Variants in SEMA4A observed in about 807,000 individuals in gnomAD.
SEMA4A encodes semaphorin 4A.
SEMA4A carries 52 observed loss-of-function variants against 72.5 expected under a neutral mutation model. The observed-to-expected ratio is 0.72, with a 90% CI of 0.57 to 0.90. SEMA4A has a LOEUF of 0.90. SEMA4A is among the 40% of genes least tolerant of loss of function. The pLI, the probability that SEMA4A is intolerant of heterozygous loss-of-function variation, is 0.00. For synonymous variants in SEMA4A, 369 were observed against 393.1 expected, an observed-to-expected ratio of 0.94 and a Z score of 0.73; for missense variants, 926 against 959.7, an observed-to-expected ratio of 0.96 and a Z score of 0.46.
intron 10 of SEMA4A, among the ~76,000 whole-genome samples, chr1:156,168,980 T>C (rs966600620): frequency 2.0e-5 from 3 of 152,124 alleles, no homozygotes; most frequent in African/African-American, 7.2e-5. Context: ...CAGGATGGTG[T>C]CCCCATCAAC....
intron 11 of SEMA4A, among the ~76,000 whole-genome samples, chr1:156,174,505 G>A (rs138322420): frequency 4.1e-4 from 62 of 152,288 alleles, no homozygotes; most frequent in African/African-American, 1.3e-3. Flanking sequence ...TGGATGTGAG[G>A]GAGGCAGGTG....
intron 14 of SEMA4A, among the ~76,000 whole-genome samples, chr1:156,175,917 G>C (rs1655281314): frequency 6.6e-6 from 1 of 152,146 alleles, no homozygotes; most frequent in African/African-American, 2.4e-5. Context: ...GCTTAGTTTG[G>C]GGTCCAGACT....
chr1:156,166,854 A>G (rs145247267), intron 10 of SEMA4A, among the ~76,000 whole-genome samples: 2,364 of 152,028 alleles, frequency 0.016, 66 homozygotes, highest in African/African-American at 0.055. Flanking sequence ...TCTTGAACCC[A>G]GGAGGTGGAG....
chr1:156,172,810 C>G lies in SEMA4A; in HGVS notation c.1135-16C>G, dbSNP rs1381734730. ...GAAGGGGCAAACCAACCTGATCTGC[C>G]TCCCTCCTCCTTTAGTGCTCAGTGG... On this transcript the variant is annotated splice_polypyrimidine_tract_variant and intron_variant, in intron 10 of 14. Transcript: ENST00000368285. 5.6e-6 allele frequency: 9 copies of G among 1,613,746 alleles called. No individual in the cohort carries two copies. The highest frequency in any genetic ancestry group is 7.6e-6 in the Non-Finnish European group (9 of 1,179,788).
chr1:156,170,753 C>CAA (rs1402562759), intron 10 of SEMA4A, among the ~76,000 whole-genome samples: 7 of 71,830 alleles, frequency 9.7e-5, no homozygotes, highest in African/African-American at 1.1e-4. Context: ...GACTCCGTCT[C>CAA]AAAAAAAAAA....
Position 156,174,870 on chromosome 1 carries a change from A to T in SEMA4A, c.1364A>T (p.His455Leu). 6.2e-7 allele frequency: 1 copy of T among 1,614,184 alleles called. No homozygotes were observed. The highest frequency in any genetic ancestry group is 8.5e-7 in the Non-Finnish European group (1 of 1,180,006). ...KAVVSGDSSA[H>L]LVEEIQLFPD... The stretch of plus-strand genomic sequence containing the variant: ...GTGGTAAGTGGGGACAGCAGTGCTC[A>T]TCTGGTGGAAGAGATTCAGCTGTTC... The change falls in exon 12 of 15, where the codon CAT (histidine) becomes CTT (leucine). Residue 455 changes from histidine to leucine, a missense_variant. Coordinates refer to ENST00000368285, the MANE Select transcript of SEMA4A (RefSeq NM_022367.4).
chr1:156,167,004 G>A (rs7530578), intron 10 of SEMA4A, among the ~76,000 whole-genome samples: 9,375 of 151,732 alleles, frequency 0.062, 418 homozygotes, highest in African/African-American at 0.12. Flanking sequence ...GGGCTCAAGT[G>A]ATCCTCCTAC....
intron 8 of SEMA4A, 127 bp downstream of exon 8, chr1:156,161,156 G>GGGGTGGGGCGGGGGACAGCGGGGCTGGGC: frequency 3.3e-6 from 2 of 604,100 alleles, no homozygotes; most frequent in South Asian, 2.2e-5. Flanking sequence ...CGGGCCTGGC[G>GGGGTGGGGCGGGGGACAGCGGGGCTGGGC]GGGTGGGGCG....
At chr1:156,156,862 G>A (rs543886372) in intron 3 of SEMA4A, among the ~76,000 whole-genome samples, 1 of 150,966 alleles carries the variant, frequency 6.6e-6, no homozygotes, top group South Asian at 2.1e-4. Context: ...TCCTGCCTCA[G>A]CCTCCCAAGT....
chr1:156,160,640 T>A, intron 7 of SEMA4A, 81 bp downstream of exon 7: 1 of 1,285,124 alleles, frequency 7.8e-7, no homozygotes, highest in Non-Finnish European at 1.1e-6. Context: ...TTGCGGAAGG[T>A]ACAATGTGTC....
chr1:156,164,609 C>A (rs1239204377), intron 10 of SEMA4A, among the ~76,000 whole-genome samples: 3 of 152,108 alleles, frequency 2.0e-5, no homozygotes, highest in Non-Finnish European at 4.4e-5. Context: ...ACTGCACCCA[C>A]CCCCAATCTC....
rs1257310907 is a variant in SEMA4A at position 156,156,431 on chromosome 1, C to A, written c.157C>A (p.Leu53Ile). 1.9e-6 allele frequency: 3 copies of A among 1,614,152 alleles called. No individual in the cohort carries two copies. Among genetic ancestry groups the A allele is most frequent in the South Asian group, 2.2e-5 (2 of 91,076 alleles). ...TCCAACAGGGGATGAACGTAGGGCA[C>A]TTAGCTTCTTCCACCAGAAGGGCCT... ...RYYAGDERRA[L>I]SFFHQKGLQD... Residue 53 changes from leucine to isoleucine, a missense_variant, in exon 3 of 15, where the codon CTT becomes ATT. Transcript: ENST00000368285.
rs989282672 is a variant in SEMA4A, at chr1:156,177,051, C to T, written c.*54C>T. ...CAGGCACCTGGCCATGCTGGCTGGG[C>T]GGCCCAAGCACAGCCCTGACTAGGA... is the stretch of plus-strand genomic sequence containing the variant. On this transcript the variant is annotated 3_prime_UTR_variant, in exon 15 of 15. Transcript: ENST00000368285. 5.2e-5 allele frequency: 79 copies of T among 1,524,796 alleles called. No individual in the cohort carries two copies. The highest frequency in any genetic ancestry group is 1.6e-4 in the African/African-American group (12 of 73,184). The allele number at this position is 1,524,796 out of a possible 1,614,324, so 94.5% of individuals were successfully genotyped here.
upstream of SEMA4A, chr1:156,150,136 G>C (rs1652413941): frequency 6.6e-6 from 1 of 152,220 alleles, no homozygotes; most frequent in Non-Finnish European, 1.5e-5. Context: ...GGAGGGGGCG[G>C]GGCCATTGTC....
At chr1:156,160,665 G>A in intron 7 of SEMA4A, 106 bp downstream of exon 7, 2 of 1,094,152 alleles carry the variant, frequency 1.8e-6, no homozygotes, top group Non-Finnish European at 2.8e-6. Context: ...ACTGTTAGGC[G>A]CAGGGGGTAT....
chr1:156,175,752 C>T (rs1655266580), intron 14 of SEMA4A, 96 bp downstream of exon 14: 2 of 888,970 alleles, frequency 2.2e-6, no homozygotes, highest in South Asian at 2.8e-5. Flanking sequence ...CCCCCAGCAC[C>T]TGCCTGGCTT....
Position 156,175,088 on chromosome 1 carries a change from T to G in SEMA4A, c.1437T>G (p.Gly479=), listed in dbSNP as rs1572428808. Residue 479 remains glycine, a splice_region_variant and synonymous_variant, in exon 13 of 15, where the codon GGT becomes GGG. Transcript: ENST00000368285. Reference sequence around the variant, plus strand: ...GACAATCTCCATCTCTCTTCCAGGGTGCAGTGTTTGTAGGCTTCTCAGGAG... The same window carrying G: ...GACAATCTCCATCTCTCTTCCAGGGGGCAGTGTTTGTAGGCTTCTCAGGAG... ...VRNLQLAPTQ[G]AVFVGFSGGV... 6.2e-7 allele frequency: 1 copy of G among 1,614,108 alleles called. No homozygotes were observed. The highest frequency in any genetic ancestry group is 8.5e-7 in the Non-Finnish European group (1 of 1,180,002).
chr1:156,158,042 T>A (rs1321711519), intron 3 of SEMA4A, 28 bp from the exon 4 acceptor site: 1 of 1,613,264 alleles, frequency 6.2e-7, no homozygotes. Flanking sequence ...TTTCTTTTCA[T>A]CTCGCCCTCC....
At position 156,176,598 on chromosome 1, in the gene SEMA4A, T is replaced by C. The variant is rs766408354; in HGVS notation, c.1887T>C (p.Asn629=). ...GGLYQCWATE[N]GFSYPVISYW... is the part of the protein sequence containing the mutation. ...TCTACCAGTGCTGGGCAACTGAGAATGGCTTTTCATACCCTGTGATCTCCT... is the reference window on the plus strand; with the variant it reads ...TCTACCAGTGCTGGGCAACTGAGAACGGCTTTTCATACCCTGTGATCTCCT... Residue 629 remains asparagine (N), a synonymous_variant, in exon 15 of 15, where the codon AAT becomes AAC. Coordinates refer to ENST00000368285, the MANE Select transcript of SEMA4A (RefSeq NM_022367.4). The C allele has an allele frequency of 6.2e-6, 10 of 1,614,204 alleles. No homozygotes were observed. In the South Asian group the frequency reaches 9.9e-5, roughly 16 times the overall value.
Sources: allele counts gnomAD v4.1 joint callset (sites outside exome capture counted in the v4.1 genomes callset), GRCh38; gene constraint gnomAD v4.1.1; transcripts MANE v1.5; gene names NCBI Gene and HGNC (gene_info 2026-07-23, HGNC 2026-07-21).